The following ZMYM2 variants were observed in gnomAD, a reference collection of about 807,000 sequenced individuals.
ZMYM2 encodes the protein zinc finger MYM-type protein 2.
Under a neutral mutation model 162.8 loss-of-function variants are expected in ZMYM2, and 56 were observed. That is an observed-to-expected ratio of 0.34 (90% confidence interval 0.28 to 0.43). The LOEUF is 0.43. Ranked by LOEUF, ZMYM2 falls within the 20% of genes least tolerant of loss-of-function variation. The pLI is 1.00. For missense variants in ZMYM2, 1,275 were observed against 1,621.8 expected (o/e 0.79, Z 3.67); for synonymous variants, 510 against 541.6 (o/e 0.94, Z 0.81).
intron 12 of ZMYM2, among the ~76,000 whole-genome samples, chr13:20,042,528 G>A (rs1481453527): frequency 6.6e-6 from 1 of 151,892 alleles, no homozygotes; most frequent in African/African-American, 2.4e-5. Context: ...TCCATATTCT[G>A]AATTCTATTT....
chr13:19,986,916 A>G (rs1949193364), intron 2 of ZMYM2, among the ~76,000 whole-genome samples: 1 of 151,956 alleles, frequency 6.6e-6, no homozygotes, highest in Non-Finnish European at 1.5e-5. Context: ...CAGTCTGGCC[A>G]ACATGGTGAA....
At chr13:19,978,143 C>T (rs1261470343) in intron 2 of ZMYM2, among the ~76,000 whole-genome samples, 1 of 152,090 alleles carries the variant, frequency 6.6e-6, no homozygotes, top group Non-Finnish European at 1.5e-5. Context: ...TCCCAAAGTT[C>T]TGGGATTACA....
chr13:19,968,468 G>T (rs974174533), intron 2 of ZMYM2, among the ~76,000 whole-genome samples: 1 of 152,142 alleles, frequency 6.6e-6, no homozygotes, highest in Non-Finnish European at 1.5e-5. Flanking sequence ...AACCATGTTA[G>T]CTAGGCTGGT....
chr13:19,955,500 C>T (rs532372543), upstream of ZMYM2, among the ~76,000 whole-genome samples: 1 of 152,298 alleles, frequency 6.6e-6, no homozygotes, highest in Non-Finnish European at 1.5e-5. Context: ...GGCAGTCTGG[C>T]TCTTTAAGCT....
chr13:19,923,356 C>CAAA, the ZMYM2 span, among the ~76,000 whole-genome samples: 9 of 57,360 alleles, frequency 1.6e-4, no homozygotes, highest in African/African-American at 5.2e-4. Flanking sequence ...GACTCCGTCG[C>CAAA]AAAAAAAAAA....
the ZMYM2 span, among the ~76,000 whole-genome samples, chr13:19,949,748 G>A: frequency 2.2e-4 from 33 of 151,822 alleles, no homozygotes; most frequent in East Asian, 5.7e-3. Context: ...TTAGCTGGGC[G>A]TGGTGGCGGG....
At position 20,008,338 on chromosome 13, in the gene ZMYM2, C is replaced by G. The variant is rs1202594926; in HGVS notation, c.1512+1752C>G. Among the ~76,000 whole-genome samples the G allele has an allele frequency of 2.6e-5, 4 of 152,182 alleles. No individual in the cohort carries two copies. The East Asian group carries it at 7.7e-4, about 29-fold the overall frequency. On this transcript the variant is annotated intron_variant, in intron 6 of 24. Transcript: ENST00000610343. ...TAGCGATTGGGTTTCACCATGTTGT[C>G]CATGCTGGTCTCAAACTCCTGACCT...
At chr13:19,883,059 A>G in the ZMYM2 span, among the ~76,000 whole-genome samples, 1 of 152,232 alleles carries the variant, frequency 6.6e-6, no homozygotes, top group Non-Finnish European at 1.5e-5. Context: ...ACAATGGAAT[A>G]TTATTGTTAA....
At chr13:20,039,969 T>C (rs536934961) in intron 12 of ZMYM2, among the ~76,000 whole-genome samples, 1 of 152,354 alleles carries the variant, frequency 6.6e-6, no homozygotes, top group Admixed American at 6.5e-5. Context: ...CTTTTCGATG[T>C]GCTGCTGGAT....
chr13:20,020,711 A>AT (rs1952010239), intron 7 of ZMYM2, among the ~76,000 whole-genome samples: 1 of 151,364 alleles, frequency 6.6e-6, no homozygotes, highest in Non-Finnish European at 1.5e-5. Context: ...TTGTATTTGT[A>AT]TTGTTTTTCC....
intron 8 of ZMYM2, 118 bp from the exon 9 acceptor site, chr13:20,027,085 A>G (rs1952653366): frequency 1.4e-6 from 1 of 694,392 alleles, no homozygotes; most frequent in Non-Finnish European, 2.3e-6. Context: ...TCAGTATTGA[A>G]GGTGCAAATA....
At chr13:20,016,785 C>T (rs1049954367) in intron 6 of ZMYM2, among the ~76,000 whole-genome samples, 5 of 152,030 alleles carry the variant, frequency 3.3e-5, no homozygotes, top group Non-Finnish European at 5.9e-5. Context: ...TGTCTTTTAA[C>T]GGTTTGATTA....
chr13:20,047,260 A>C (rs780543988), intron 12 of ZMYM2, among the ~76,000 whole-genome samples: 1 of 152,104 alleles, frequency 6.6e-6, no homozygotes, highest in Admixed American at 6.5e-5. Context: ...CTTGAGTCAG[A>C]CTGTATTTTC....
chr13:20,034,619 A>G (rs1311751010), intron 11 of ZMYM2, among the ~76,000 whole-genome samples: 1 of 152,178 alleles, frequency 6.6e-6, no homozygotes, highest in Non-Finnish European at 1.5e-5. Flanking sequence ...CTCTTATTTC[A>G]TTAAAGTTTT....
chr13:20,038,190 A>G (rs780964808), intron 12 of ZMYM2, among the ~76,000 whole-genome samples: 8 of 152,086 alleles, frequency 5.3e-5, no homozygotes, highest in African/African-American at 1.4e-4. Context: ...CCACTCTACT[A>G]TTGGTAGGCA....
At chr13:19,968,967 C>G (rs1308433862) in intron 2 of ZMYM2, among the ~76,000 whole-genome samples, 2 of 152,112 alleles carry the variant, frequency 1.3e-5, no homozygotes, top group Non-Finnish European at 2.9e-5. Context: ...TAATTATATG[C>G]ATATCACAAA....
intron 21 of ZMYM2, chr13:20,070,390 G>A: frequency 5.5e-6 from 1 of 183,312 alleles, no homozygotes. Context: ...TTGAATTGTG[G>A]CAAAAATCTC....
At chr13:20,056,493 CAT>C (rs1299338341) in intron 14 of ZMYM2, among the ~76,000 whole-genome samples, 1 of 152,140 alleles carries the variant, frequency 6.6e-6, no homozygotes, top group Non-Finnish European at 1.5e-5. Flanking sequence ...CGGTGTACCA[CAT>C]GAGGGAGCTT....
At position 20,030,232 on chromosome 13, in the gene ZMYM2, CT is replaced by C. The variant is rs772819839; in HGVS notation, c.1852-1072del. ...GTAACATAGGCCGATTTCTTTTCCT[CT>C]TTTTTTTTTTTTTTCCAGATGGAGT... On this transcript the variant is annotated intron_variant, in intron 9 of 24. Transcript: ENST00000610343. Among the ~76,000 whole-genome samples the C allele has an allele frequency of 6.1e-3, 853 of 140,590 alleles. 5 individuals carry two copies. Among genetic ancestry groups the C allele is most frequent in the Middle Eastern group, 0.011 (3 of 262 alleles). The allele number at this position is 140,590 out of a possible 152,430, so 92.2% of individuals were successfully genotyped here.
Sources: gnomAD v4.1 joint callset for allele counts (sites outside exome capture counted in the v4.1 genomes callset) on GRCh38, gnomAD v4.1.1 for gene constraint, MANE v1.5 for transcripts, NCBI Gene and HGNC (gene_info 2026-07-23, HGNC 2026-07-21) for gene names.